The following ROBO2 variants were observed in gnomAD, a reference collection of about 807,000 sequenced individuals.
The protein encoded by ROBO2 is roundabout homolog 2.
ROBO2 carries 53 observed loss-of-function variants against 160.8 expected under a neutral mutation model. The ratio of observed to expected loss-of-function variants is 0.33; its 90% confidence interval spans 0.26 to 0.41. ROBO2 has a LOEUF of 0.41. ROBO2 is among the 10% of genes least tolerant of loss of function. The pLI is 1.00. For synonymous variants in ROBO2, 664 were observed against 611.7 expected (o/e 1.09, Z -1.26); for missense variants, 1,577 against 1,722.4 (o/e 0.92, Z 1.49).
At chr3:76,108,185 A>G (rs1390296235) in intron 2 of ROBO2, among the ~76,000 whole-genome samples, 3 of 151,896 alleles carry the variant, frequency 2.0e-5, no homozygotes, top group Non-Finnish European at 4.4e-5. Context: ...GATGCTAATC[A>G]TCTTCCTGCG....
At chr3:76,870,815 C>A (rs1243686466) in intron 2 of ROBO2, among the ~76,000 whole-genome samples, 4 of 145,634 alleles carry the variant, frequency 2.7e-5, no homozygotes, top group Non-Finnish European at 4.6e-5. Context: ...TAAAAAAAAA[C>A]ACTCTGCCAA....
intron 2 of ROBO2, among the ~76,000 whole-genome samples, chr3:77,203,192 G>T (rs961931837): frequency 6.6e-6 from 1 of 152,176 alleles, no homozygotes; most frequent in East Asian, 1.9e-4. Flanking sequence ...GCACATAAAT[G>T]TGCTACCCTA....
chr3:76,774,114 AATTAAG>A (rs1222315835), intron 2 of ROBO2, among the ~76,000 whole-genome samples: 1 of 150,986 alleles, frequency 6.6e-6, no homozygotes, highest in Non-Finnish European at 1.5e-5. Flanking sequence ...TCATAAACAC[AATTAAG>A]ATTATCTCTA....
At chr3:77,466,448 G>A (rs1197824748) in intron 2 of ROBO2, among the ~76,000 whole-genome samples, 1 of 152,070 alleles carries the variant, frequency 6.6e-6, no homozygotes, top group Admixed American at 6.6e-5. Flanking sequence ...CTCTCAAACT[G>A]CTCATTTTTG....
chr3:76,002,602 A>C (rs7628121), intron 2 of ROBO2, among the ~76,000 whole-genome samples: 116,980 of 151,786 alleles, frequency 0.77, 46,228 homozygotes, highest in East Asian at 0.97. Flanking sequence ...ATGAGCCTTT[A>C]ATCTTCTGCC....
At chr3:77,634,555 C>A in intron 23 of ROBO2, 1 of 319,550 alleles carries the variant, frequency 3.1e-6, no homozygotes, top group Non-Finnish European at 6.0e-6. Flanking sequence ...TTGACAATAT[C>A]AATAATATTG....
intron 2 of ROBO2, among the ~76,000 whole-genome samples, chr3:77,241,878 T>C (rs1335730404): frequency 6.6e-6 from 1 of 152,166 alleles, no homozygotes; most frequent in African/African-American, 2.4e-5. Context: ...AAACACCAAG[T>C]GCATAAAGGA....
intron 2 of ROBO2, among the ~76,000 whole-genome samples, chr3:76,685,484 A>G (rs543933257): frequency 1.5e-4 from 23 of 152,020 alleles, no homozygotes; most frequent in African/African-American, 5.1e-4. Flanking sequence ...AAGAACAAAC[A>G]TGTTAGTGAT....
intron 1 of ROBO2, among the ~76,000 whole-genome samples, chr3:75,936,331 A>G (rs1947780612): frequency 2.6e-5 from 4 of 152,148 alleles, no homozygotes; most frequent in Admixed American, 2.0e-4. Context: ...GTTTATTAGA[A>G]TTGTAATTAT....
chr3:77,073,773 G>A (rs1250571041), intron 1 of ROBO2, among the ~76,000 whole-genome samples: 1 of 152,010 alleles, frequency 6.6e-6, no homozygotes, highest in Admixed American at 6.6e-5. Context: ...TTCTTTCTGG[G>A]GACTGCACAG....
intron 1 of ROBO2, among the ~76,000 whole-genome samples, chr3:77,050,626 G>A (rs1007784502): frequency 1.1e-4 from 17 of 148,526 alleles, no homozygotes; most frequent in African/African-American, 4.0e-4. Context: ...ACTAAGAAGA[G>A]TTACAACATT....
At chr3:77,375,765 C>T (rs759932598) in intron 2 of ROBO2, among the ~76,000 whole-genome samples, 2 of 150,954 alleles carry the variant, frequency 1.3e-5, no homozygotes, top group Non-Finnish European at 3.0e-5. Flanking sequence ...ATTTGAGAAC[C>T]TTTGCATAGA....
intron 2 of ROBO2, among the ~76,000 whole-genome samples, chr3:76,790,841 C>A (rs78442381): frequency 1.4e-4 from 21 of 151,716 alleles, no homozygotes; most frequent in East Asian, 3.9e-4. Flanking sequence ...GCCCTTGTGA[C>A]AAATAGATCT....
At chr3:77,213,991 AC>A (rs1395207422) in intron 2 of ROBO2, among the ~76,000 whole-genome samples, 1 of 152,110 alleles carries the variant, frequency 6.6e-6, no homozygotes, top group African/African-American at 2.4e-5. Context: ...GGAGTGCTTT[AC>A]TTCCAACTAT....
chr3:77,165,022 G>A (rs1452916995), intron 2 of ROBO2, among the ~76,000 whole-genome samples: 21 of 149,294 alleles, frequency 1.4e-4, no homozygotes, highest in Middle Eastern at 3.5e-3. Flanking sequence ...TGGGAGGTGA[G>A]GAGCCCCTCT....
At chr3:76,109,780 T>C (rs116718358) in intron 2 of ROBO2, among the ~76,000 whole-genome samples, 2,170 of 152,008 alleles carry the variant, frequency 0.014, 56 homozygotes, top group African/African-American at 0.049. Flanking sequence ...ATAGTAAACA[T>C]TGTACCCAGT....
chr3:76,273,009 A>AT (rs375262766), intron 2 of ROBO2, among the ~76,000 whole-genome samples: 177 of 88,790 alleles, frequency 2.0e-3, no homozygotes, highest in African/African-American at 7.0e-3. Flanking sequence ...TATATATAAA[A>AT]ATATATTATA....
At chr3:76,692,536 A>C (rs1286583873) in intron 2 of ROBO2, among the ~76,000 whole-genome samples, 2 of 152,174 alleles carry the variant, frequency 1.3e-5, no homozygotes, top group Non-Finnish European at 2.9e-5. Flanking sequence ...AGTTTTTTAG[A>C]ACAATGAGAT....
chr3:75,956,289 T>G (rs1323066909), intron 2 of ROBO2, among the ~76,000 whole-genome samples: 1 of 151,748 alleles, frequency 6.6e-6, no homozygotes, highest in Non-Finnish European at 1.5e-5. Flanking sequence ...GTGTCCGTCC[T>G]AGTAGCTATA....
Sources: allele counts gnomAD v4.1 joint callset (sites outside exome capture counted in the v4.1 genomes callset), GRCh38; gene constraint gnomAD v4.1.1; transcripts MANE v1.5; gene names NCBI Gene and HGNC (gene_info 2026-07-23, HGNC 2026-07-21).